The following ZNF611 variants were observed in gnomAD, a reference collection of about 807,000 sequenced individuals.
The protein encoded by ZNF611 is zinc finger protein 611.
Under a neutral mutation model 8.9 loss-of-function variants are expected in ZNF611, and 6 were observed. The observed-to-expected ratio is 0.68, with a 90% confidence interval of 0.37 to 1.34. The LOEUF is 1.34. ZNF611 is among the 40% of genes most tolerant of loss of function. The pLI is 0.02. For synonymous variants in ZNF611, 262 were observed against 279.7 expected, an observed-to-expected ratio of 0.94 and a Z score of 0.63; for missense variants, 874 against 841.3, an observed-to-expected ratio of 1.04 and a Z score of -0.48.
intron 5 of ZNF611, 36 bp downstream of exon 5, chr19:52,713,979 G>C: frequency 6.2e-7 from 1 of 1,612,514 alleles, no homozygotes. Context: ...ATAGACAAGA[G>C]CAGACTCCTC....
At chr19:52,721,462 G>T (rs150491648) in intron 3 of ZNF611, among the ~76,000 whole-genome samples, 1 of 152,176 alleles carries the variant, frequency 6.6e-6, no homozygotes, top group Admixed American at 6.5e-5. Flanking sequence ...GCAAATCACT[G>T]GAGGTCAGGG....
intron 3 of ZNF611, among the ~76,000 whole-genome samples, chr19:52,725,424 G>C (rs765184923): frequency 3.7e-4 from 57 of 152,196 alleles, no homozygotes; most frequent in Non-Finnish European, 5.9e-4. Flanking sequence ...TCCAGCGCAC[G>C]GGTGAGGACT....
rs370835191 is a variant in ZNF611, at chr19:52,704,888, C to T, written c.*49G>A. 1.5e-5 allele frequency: 24 copies of T among 1,610,872 alleles called. No homozygotes were observed. The highest frequency in any genetic ancestry group is 2.0e-5 in the Non-Finnish European group (23 of 1,178,474). ...CTCTCCAGTATAAATTCTCCTATGTCTTTAAGGTGTGATTTCCAAATGGAA... is the reference window on the plus strand; with the variant it reads ...CTCTCCAGTATAAATTCTCCTATGTTTTTAAGGTGTGATTTCCAAATGGAA... On this transcript the variant is annotated 3_prime_UTR_variant, in exon 6 of 6. Transcript: ENST00000652185.
chr19:52,723,894 TTA>T (rs1413638233), intron 3 of ZNF611: 1 of 152,240 alleles, frequency 6.6e-6, no homozygotes, highest in Non-Finnish European at 1.5e-5. Flanking sequence ...TAGGGTAGAT[TTA>T]TGTTTGACTT....
chr19:52,710,526 G>A (rs997662500), intron 5 of ZNF611, among the ~76,000 whole-genome samples: 6 of 152,138 alleles, frequency 3.9e-5, no homozygotes, highest in East Asian at 3.9e-4. Flanking sequence ...CATCATGCCC[G>A]TCCAATGTTT....
intron 3 of ZNF611, among the ~76,000 whole-genome samples, chr19:52,726,318 G>A (rs1482577416): frequency 1.3e-5 from 2 of 152,170 alleles, no homozygotes; most frequent in Non-Finnish European, 2.9e-5. Context: ...GAGAATCGCT[G>A]AACCTGGGGG....
rs957710697 is a variant in ZNF611, at chr19:52,705,967, A to G, written c.1088T>C (p.Ile363Thr). 3.1e-6 allele frequency: 5 copies of G among 1,613,964 alleles called. No homozygotes were observed. Among genetic ancestry groups the G allele is most frequent in the Non-Finnish European group, 4.2e-6 (5 of 1,180,024 alleles). ...NQQSQLSHHR[I>T]HTGEKPYKCE... Reference sequence around the variant, plus strand: ...TTTGTAAGGTTTCTCTCCAGTATGAATTCTATGATGTGAAAGTTGTGATTG... The same window carrying G: ...TTTGTAAGGTTTCTCTCCAGTATGAGTTCTATGATGTGAAAGTTGTGATTG... The change falls in exon 6 of 6, where the codon ATT becomes ACT. Residue 363 changes from isoleucine (I) to threonine (T), a missense_variant. Coordinates refer to ENST00000652185, the MANE Select transcript of ZNF611 (RefSeq NM_001161499.2).
chr19:52,725,749 T>G (rs565142149), intron 3 of ZNF611, among the ~76,000 whole-genome samples: 1 of 152,280 alleles, frequency 6.6e-6, no homozygotes, highest in African/African-American at 2.4e-5. Flanking sequence ...TTACTCCACG[T>G]GATCCACTTC....
intron 3 of ZNF611, among the ~76,000 whole-genome samples, chr19:52,725,487 G>A (rs1280324704): frequency 6.6e-6 from 1 of 152,242 alleles, no homozygotes; most frequent in Non-Finnish European, 1.5e-5. Flanking sequence ...GGAAAACTAT[G>A]CGATAGGAAG....
intron 3 of ZNF611, chr19:52,716,119 T>C: frequency 1.8e-6 from 1 of 560,110 alleles, no homozygotes; most frequent in Admixed American, 3.2e-5. Flanking sequence ...ACCTCTCTCC[T>C]GGAGAAGCCA....
chr19:52,733,702 C>T (rs1444998921), intron 1 of ZNF611, among the ~76,000 whole-genome samples: 2 of 151,818 alleles, frequency 1.3e-5, no homozygotes, highest in South Asian at 2.1e-4. Flanking sequence ...TTTCTTTTTC[C>T]CTGGGATTCT....
intron 5 of ZNF611, among the ~76,000 whole-genome samples, chr19:52,709,351 C>A (rs1265718104): frequency 2.0e-5 from 3 of 152,074 alleles, no homozygotes; most frequent in African/African-American, 7.2e-5. Flanking sequence ...TGGCTCACTG[C>A]AACCTCTGCC....
At chr19:52,731,988 A>T (rs906786868) in intron 1 of ZNF611, among the ~76,000 whole-genome samples, 6 of 143,980 alleles carry the variant, frequency 4.2e-5, no homozygotes, top group Non-Finnish European at 7.6e-5. Context: ...AGAAAAAAAA[A>T]TGGCCGGGCG....
chr19:52,719,447 CCT>C (rs2062339799), intron 3 of ZNF611, among the ~76,000 whole-genome samples: 1 of 152,248 alleles, frequency 6.6e-6, no homozygotes, highest in African/African-American at 2.4e-5. Context: ...AGGGAAGCTG[CCT>C]CTGATGCCAT....
chr19:52,726,092 A>G (rs1446596150), intron 3 of ZNF611, among the ~76,000 whole-genome samples: 2 of 152,208 alleles, frequency 1.3e-5, no homozygotes, highest in African/African-American at 4.8e-5. Context: ...ACAGAACAGA[A>G]CAGAACTCCT....
At chr19:52,715,575 A>C (rs958718643) in intron 4 of ZNF611, among the ~76,000 whole-genome samples, 1 of 152,324 alleles carries the variant, frequency 6.6e-6, no homozygotes, top group South Asian at 2.1e-4. Context: ...CAACGGGCTC[A>C]CACCCCATGT....
chr19:52,705,456 A>T lies in ZNF611; in HGVS notation c.1599T>A (p.Thr533=). ...CCTTACATTTGTATGGTTTCTCTCCAGTATGACCTATCTTATGTGTCTCAA... is the reference window on the plus strand; with the variant it reads ...CCTTACATTTGTATGGTTTCTCTCCTGTATGACCTATCTTATGTGTCTCAA... The part of the protein sequence containing the change: ...SSLETHKIGH[T]GEKPYKCKVC... The change falls in exon 6 of 6, where the codon ACT becomes ACA. Residue 533 remains threonine, a synonymous_variant. Coordinates refer to ENST00000652185, the MANE Select transcript of ZNF611 (RefSeq NM_001161499.2). 1 of 1,614,208 alleles carries T rather than the reference A, an allele frequency of 6.2e-7. No homozygotes were observed. Among genetic ancestry groups the T allele is most frequent in the Non-Finnish European group, 8.5e-7 (1 of 1,180,014 alleles).
chr19:52,726,852 CT>C, intron 3 of ZNF611, among the ~76,000 whole-genome samples: 1 of 151,380 alleles, frequency 6.6e-6, no homozygotes, highest in South Asian at 2.1e-4. Flanking sequence ...ATTACTTTCT[CT>C]TTTTTTACTT....
chr19:52,722,402 AATT>A (rs1466329587), intron 3 of ZNF611, among the ~76,000 whole-genome samples: 3 of 152,016 alleles, frequency 2.0e-5, no homozygotes, highest in Non-Finnish European at 4.4e-5. Flanking sequence ...TTAATTAATT[AATT>A]AATTAAAAGT....
Sources: gnomAD v4.1 joint callset for allele counts (sites outside exome capture counted in the v4.1 genomes callset) on GRCh38, gnomAD v4.1.1 for gene constraint, MANE v1.5 for transcripts, NCBI Gene and HGNC (gene_info 2026-07-23, HGNC 2026-07-21) for gene names.